Variants in TRPV1 observed in about 807,000 individuals in gnomAD.
TRPV1 encodes transient receptor potential cation channel subfamily V member 1, also known as OTRPC1.
A neutral mutation model predicts 82.3 loss-of-function variants in TRPV1; 82 were observed. That is an observed-to-expected ratio of 1.00 (90% CI 0.83 to 1.20). The LOEUF (loss-of-function observed/expected upper bound fraction) is 1.20, where lower values mean the gene tolerates loss of function less well. Among genes scored for constraint, TRPV1 ranks in the 50% most tolerant of loss-of-function variants. The probability of loss-of-function intolerance (pLI) is 0.00; values close to 1 mark genes in which losing one functional copy is unlikely to be tolerated. For missense variants in TRPV1, 1,067 were observed against 1,096.8 expected (o/e 0.97, Z 0.38); for synonymous variants, 515 against 467.7 (o/e 1.10, Z -1.30).
At chr17:3,593,654 G>A (rs554638114) in intron 2 of TRPV1, among the ~76,000 whole-genome samples, 42 of 152,234 alleles carry the variant, frequency 2.8e-4, no homozygotes, top group African/African-American at 9.9e-4. Flanking sequence ...GAAGCCCCCA[G>A]ATCCCTGCCC....
intron 13 of TRPV1, among the ~76,000 whole-genome samples, chr17:3,575,319 C>A (rs1469356070): frequency 6.6e-6 from 1 of 152,000 alleles, no homozygotes; most frequent in Non-Finnish European, 1.5e-5. Flanking sequence ...CCCATCTGTA[C>A]TAAAAATATA....
At chr17:3,582,539 T>C (rs1293926137) in intron 10 of TRPV1, among the ~76,000 whole-genome samples, 1 of 151,762 alleles carries the variant, frequency 6.6e-6, no homozygotes. Context: ...ATAAATATGG[T>C]TTTTGCAAGA....
intron 7 of TRPV1, chr17:3,588,830 A>AAAC: frequency 7.5e-7 from 1 of 1,332,048 alleles, no homozygotes; most frequent in African/African-American, 1.5e-5. Flanking sequence ...AAAAAAAAAA[A>AAAC]CAAAACACAC....
chr17:3,575,173 A>G (rs2074912490), intron 13 of TRPV1, among the ~76,000 whole-genome samples: 2 of 152,180 alleles, frequency 1.3e-5, no homozygotes, highest in South Asian at 4.1e-4. Flanking sequence ...TAAATGCAGA[A>G]GCAATGATGG....
intron 2 of TRPV1, among the ~76,000 whole-genome samples, chr17:3,598,840 C>T (rs1319838557): frequency 6.7e-6 from 1 of 148,764 alleles, no homozygotes; most frequent in East Asian, 2.1e-4. Context: ...GTGCTGGGAT[C>T]ATAGGCGTGA....
chr17:3,590,019 T>C lies in TRPV1; in HGVS notation c.832A>G (p.Ile278Val), dbSNP rs1021504931. 4 of 1,567,712 alleles carry C rather than the reference T, an allele frequency of 2.6e-6. No homozygotes were observed. The highest frequency in any genetic ancestry group is 2.4e-5 in the East Asian group (1 of 41,866). Reference protein sequence around the residue: ...LLQNSWQTADISARDSVGNTV... With the variant: ...LLQNSWQTADVSARDSVGNTV... ...TTGCCCACCGAGTCCCTGGCGCTGATGTCGGCCGTCTGCCAGGAGTTCTGC... is the reference window on the plus strand; with the variant it reads ...TTGCCCACCGAGTCCCTGGCGCTGACGTCGGCCGTCTGCCAGGAGTTCTGC... The change falls in exon 7 of 17, where the codon ATC becomes GTC. Residue 278 changes from isoleucine (I) to valine (V), a missense_variant. Physicochemically the swap from Ile to Val is conservative, Grantham distance 29 (BLOSUM62 3). Transcript: ENST00000572705.
At chr17:3,572,270 C>T (rs224550) in intron 14 of TRPV1, 21 bp from the exon 15 acceptor site, 1,559,893 of 1,597,110 alleles carry the variant, frequency 0.98, 768,323 homozygotes, top group East Asian at 1. Context: ...ACACCAAGGG[C>T]AGAGGAGCTG....
chr17:3,572,445 C>G (rs2074867751), intron 14 of TRPV1, among the ~76,000 whole-genome samples, 196 bp from the exon 15 acceptor site: 1 of 152,208 alleles, frequency 6.6e-6, no homozygotes, highest in Non-Finnish European at 1.5e-5. Context: ...CACAGCCCAG[C>G]CAGCCCAGAC....
At chr17:3,580,304 C>T (rs952094124) in intron 11 of TRPV1, among the ~76,000 whole-genome samples, 153 bp downstream of exon 11, 2 of 152,158 alleles carry the variant, frequency 1.3e-5, no homozygotes, top group African/African-American at 4.8e-5. Flanking sequence ...ATTCATTCAT[C>T]CCCCGAGTAT....
At chr17:3,579,175 ATTC>A (rs1326004069) in intron 11 of TRPV1, among the ~76,000 whole-genome samples, 1 of 152,144 alleles carries the variant, frequency 6.6e-6, no homozygotes, top group Non-Finnish European at 1.5e-5. Flanking sequence ...TGAAATCTAA[ATTC>A]TTTTAAAAAA....
intron 9 of TRPV1, among the ~76,000 whole-genome samples, chr17:3,584,063 G>A (rs1215038535): frequency 6.6e-6 from 1 of 151,992 alleles, no homozygotes; most frequent in Non-Finnish European, 1.5e-5. Context: ...CTGAGGTCGA[G>A]AGTTCGAGAC....
At chr17:3,598,841 A>G (rs2075241283) in intron 2 of TRPV1, among the ~76,000 whole-genome samples, 1 of 150,118 alleles carries the variant, frequency 6.7e-6, no homozygotes, top group African/African-American at 2.4e-5. Context: ...TGCTGGGATC[A>G]TAGGCGTGAG....
chr17:3,576,338 T>C (rs2074927693), intron 13 of TRPV1, among the ~76,000 whole-genome samples: 1 of 150,926 alleles, frequency 6.6e-6, no homozygotes. Context: ...GCCAATATGG[T>C]AAAACCCCAT....
intron 5 of TRPV1, 104 bp from the exon 6 acceptor site, chr17:3,590,496 A>T (rs1391739953): frequency 1.3e-6 from 2 of 1,498,332 alleles, no homozygotes; most frequent in East Asian, 4.7e-5. Context: ...CTGCAGGAGG[A>T]ACTGGGCAGA....
chr17:3,573,522 GCCACACACCGCCCCCA>G lies in TRPV1; in HGVS notation c.2103+95_2103+110del. The G allele has an allele frequency of 1.5e-5, 2 of 134,638 alleles. 1 individual carries two copies. Among genetic ancestry groups the G allele is most frequent in the East Asian group, 4.8e-4 (2 of 4,182 alleles). 8.3% of individuals were successfully genotyped at this position (134,638 alleles called of 1,614,324 possible). A position where few individuals can be genotyped will look rare whatever the true frequency, so the allele number is the denominator to read the frequency against. On this transcript the variant is annotated intron_variant, in intron 14 of 16. Transcript: ENST00000572705. ...GGATAGAGAGGCCCATACCCTCCTGGCCACACACCGCCCCCACCACCCACCCACCTGCAGCCAGCTG... is the reference window on the plus strand; with the variant it reads ...GGATAGAGAGGCCCATACCCTCCTGGCCACCCACCCACCTGCAGCCAGCTG...
intron 2 of TRPV1, chr17:3,592,666 G>A (rs1405661275): frequency 5.1e-6 from 2 of 391,512 alleles, no homozygotes; most frequent in Non-Finnish European, 9.3e-6. Flanking sequence ...TGTGGTTCTG[G>A]GTTAGACCCA....
rs780154545 is a variant in TRPV1, at chr17:3,573,960, A to G, written c.1781-5T>C. 1 of 1,591,418 alleles carries G rather than the reference A, an allele frequency of 6.3e-7. No homozygotes were observed. The highest frequency in any genetic ancestry group is 2.2e-5 in the East Asian group (1 of 44,572). On this transcript the variant is annotated splice_region_variant and splice_polypyrimidine_tract_variant and intron_variant, in intron 13 of 16. Coordinates refer to ENST00000572705, the MANE Select transcript of TRPV1 (RefSeq NM_080704.4). Reference sequence around the variant, plus strand: ...CTTCAATCAGCGTCACCACCGCTACAGGGCACAGGGAGGGCGGGGTGCCAC... The same window carrying G: ...CTTCAATCAGCGTCACCACCGCTACGGGGCACAGGGAGGGCGGGGTGCCAC...
chr17:3,567,723 G>A (rs2074787605), intron 16 of TRPV1, among the ~76,000 whole-genome samples: 1 of 151,704 alleles, frequency 6.6e-6, no homozygotes, highest in East Asian at 1.9e-4. Context: ...GGCAGGATCT[G>A]GGGTCCAGGC....
intron 2 of TRPV1, among the ~76,000 whole-genome samples, chr17:3,598,391 C>T (rs887932763): frequency 6.6e-6 from 1 of 152,112 alleles, no homozygotes; most frequent in African/African-American, 2.4e-5. Context: ...ACAGCAACCC[C>T]GGGCAGTGGG....
Sources: gnomAD v4.1 joint callset for allele counts (sites outside exome capture counted in the v4.1 genomes callset) on GRCh38, gnomAD v4.1.1 for gene constraint, MANE v1.5 for transcripts, NCBI Gene and HGNC (gene_info 2026-07-23, HGNC 2026-07-21) for gene names.